HTR2C: variants seen among roughly 807,000 people sequenced by gnomAD.
HTR2C encodes 5-hydroxytryptamine (serotonin) receptor 2C, G protein-coupled.
In HTR2C, 5 loss-of-function variants were observed where a neutral mutation model predicts 21.0. The observed-to-expected ratio is 0.24, with a 90% CI of 0.12 to 0.50. The LOEUF (loss-of-function observed/expected upper bound fraction) is 0.50, where lower values mean the gene tolerates loss of function less well. Among genes scored for constraint, HTR2C ranks in the 20% least tolerant of loss-of-function variants. The probability of loss-of-function intolerance (pLI) is 0.98; values close to 1 mark genes in which losing one functional copy is unlikely to be tolerated. For synonymous variants in HTR2C, 150 were observed against 145.3 expected (o/e 1.03, Z -0.23); for missense variants, 271 against 371.2 (o/e 0.73, Z 2.22).
intron 4 of HTR2C, among the ~76,000 whole-genome samples, chrX:114,749,025 C>A (rs1556427045): frequency 9.0e-6 from 1 of 111,046 alleles, no homozygotes; most frequent in Non-Finnish European, 1.9e-5. Flanking sequence ...ACTCTCAAAA[C>A]TCAAAATAAG....
At chrX:114,838,404 T>G (rs1449195282) in intron 4 of HTR2C, among the ~76,000 whole-genome samples, 2 of 112,238 alleles carry the variant, frequency 1.8e-5, no homozygotes, top group Non-Finnish European at 3.8e-5. Context: ...CCCATACATC[T>G]TAATTAAATT....
intron 5 of HTR2C, among the ~76,000 whole-genome samples, chrX:114,903,940 C>T (rs1021891805): frequency 8.9e-6 from 1 of 111,839 alleles, no homozygotes; most frequent in Non-Finnish European, 1.9e-5. Flanking sequence ...CTCCTGCATC[C>T]TTTATTGCTT....
intron 2 of HTR2C, among the ~76,000 whole-genome samples, chrX:114,673,051 A>G (rs1279137814): frequency 2.7e-5 from 3 of 111,618 alleles, no homozygotes; most frequent in South Asian, 3.7e-4. Context: ...TAATCAGCCA[A>G]TTTTTTTCAG....
At chrX:114,675,890 A>G (rs1556412512) in intron 2 of HTR2C, among the ~76,000 whole-genome samples, 1 of 90,044 alleles carries the variant, frequency 1.1e-5, no homozygotes. Context: ...TTTTTTTGAG[A>G]CGAAATCTTG....
intron 1 of HTR2C, among the ~76,000 whole-genome samples, chrX:114,605,672 G>C (rs890646994): frequency 9.0e-6 from 1 of 111,319 alleles, no homozygotes; most frequent in South Asian, 3.8e-4. Flanking sequence ...CATTGCAGAA[G>C]AAAATAAGGC....
At chrX:114,601,781 C>T (rs868906214) in intron 1 of HTR2C, among the ~76,000 whole-genome samples, 3 of 102,436 alleles carry the variant, frequency 2.9e-5, no homozygotes, top group Non-Finnish European at 4.0e-5. Context: ...AGTGTTGGGG[C>T]GGCGAAAATT....
At chrX:114,627,014 T>G (rs181970240) in intron 2 of HTR2C, among the ~76,000 whole-genome samples, 173 of 112,148 alleles carry the variant, frequency 1.5e-3, no homozygotes, top group African/African-American at 5.4e-3. Context: ...CGTTCTAAAT[T>G]TATTTTTTGG....
rs1177259293 is a variant in HTR2C at position 114,805,695 on chromosome X, CACCATATATAT to C, written c.350-42286_350-42276del. Among the ~76,000 whole-genome samples the C allele has an allele frequency of 1.1e-3, 7 of 6,399 alleles. 1 individual carries two copies. The highest frequency in any genetic ancestry group is 1.1e-3 in the African/African-American group (3 of 2,814). 5.6% of individuals were successfully genotyped at this position (6,399 alleles called of 115,157 possible). ...ACACCATATATATACCATATATATACACCATATATATACCATATATATACCATATATACACC... is the reference window on the plus strand; with the variant it reads ...ACACCATATATATACCATATATATACACCATATATATACCATATATACACC... On this transcript the variant is annotated intron_variant, in intron 4 of 5. Coordinates refer to ENST00000276198, the MANE Select transcript of HTR2C (RefSeq NM_000868.4).
At chrX:114,845,781 G>A (rs1477351673) in intron 4 of HTR2C, among the ~76,000 whole-genome samples, 1 of 109,262 alleles carries the variant, frequency 9.2e-6, no homozygotes, top group Non-Finnish European at 1.9e-5. Context: ...AGGCCAAGGT[G>A]GGAGGATTAC....
intron 4 of HTR2C, among the ~76,000 whole-genome samples, chrX:114,768,879 T>C (rs1378355892): frequency 1.1e-4 from 12 of 111,404 alleles, no homozygotes; most frequent in African/African-American, 3.9e-4. Flanking sequence ...TTAATTCTGG[T>C]GTAAACTATT....
chrX:114,824,307 TA>T (rs1382045867), intron 4 of HTR2C, among the ~76,000 whole-genome samples: 5 of 111,862 alleles, frequency 4.5e-5, no homozygotes, highest in Non-Finnish European at 7.5e-5. Context: ...AGGGCAGGAT[TA>T]AAAGTAATGC....
chrX:114,905,154 G>T (rs1479746470), intron 5 of HTR2C, among the ~76,000 whole-genome samples: 2 of 110,810 alleles, frequency 1.8e-5, no homozygotes, highest in Non-Finnish European at 3.8e-5. Flanking sequence ...TGAATGGTGT[G>T]CCTAGGTTCA....
chrX:114,812,325 C>G (rs1387327744), intron 4 of HTR2C, among the ~76,000 whole-genome samples: 1 of 111,655 alleles, frequency 9.0e-6, no homozygotes, highest in Non-Finnish European at 1.9e-5. Flanking sequence ...TCCCCACCCT[C>G]TACATGGGTT....
chrX:114,805,794 A>C lies in HTR2C; in HGVS notation c.350-42209A>C, dbSNP rs369447859. ...TCTATACCATGTATATACACCATAT[A>C]TATACCATGTATATACACCATATAT... On this transcript the variant is annotated intron_variant, in intron 4 of 5. Transcript: ENST00000276198. Among the ~76,000 whole-genome samples, 12 of 102,360 alleles carry C rather than the reference A, an allele frequency of 1.2e-4. 1 individual carries two copies. The highest frequency in any genetic ancestry group is 4.2e-4 in the African/African-American group (12 of 28,263). The allele number at this position is 102,360 out of a possible 115,157, so 88.9% of individuals were successfully genotyped here.
At chrX:114,736,107 T>C (rs2069588243) in intron 4 of HTR2C, among the ~76,000 whole-genome samples, 1 of 107,979 alleles carries the variant, frequency 9.3e-6, no homozygotes, top group Non-Finnish European at 1.9e-5. Flanking sequence ...AGCGAGACTC[T>C]ATTTCAAAAA....
chrX:114,654,077 A>T (rs782583982), intron 2 of HTR2C, among the ~76,000 whole-genome samples: 1 of 110,275 alleles, frequency 9.1e-6, no homozygotes, highest in East Asian at 2.9e-4. Flanking sequence ...ATCTGAAGAC[A>T]GTAAAATGGA....
At chrX:114,773,729 G>T (rs926145836) in intron 4 of HTR2C, among the ~76,000 whole-genome samples, 2 of 112,416 alleles carry the variant, frequency 1.8e-5, no homozygotes, top group African/African-American at 6.5e-5. Flanking sequence ...TCAGGAACTA[G>T]AATTAAACAA....
At chrX:114,898,237 C>A (rs1268371021) in intron 5 of HTR2C, among the ~76,000 whole-genome samples, 1 of 112,489 alleles carries the variant, frequency 8.9e-6, no homozygotes, top group Non-Finnish European at 1.9e-5. Context: ...GTCCTTTGCC[C>A]ACTTTTTAAT....
At position 114,765,174 on chromosome X, in the gene HTR2C, G is replaced by A. The variant is rs190805528; in HGVS notation, c.349+33567G>A. Among the ~76,000 whole-genome samples, 9 of 109,056 alleles carry A rather than the reference G, an allele frequency of 8.3e-5. No homozygotes were observed. The South Asian group carries it at 1.2e-3, about 14-fold the overall frequency. The allele number at this position is 109,056 out of a possible 115,157, so 94.7% of individuals were successfully genotyped here. ...ATACAATCATGAGCCACCATGCCCAGCCTTGGAAACTTTCAGTGATTTTTA... is the reference window on the plus strand; with the variant it reads ...ATACAATCATGAGCCACCATGCCCAACCTTGGAAACTTTCAGTGATTTTTA... On this transcript the variant is annotated intron_variant, in intron 4 of 5. Transcript: ENST00000276198.
Sources: allele counts gnomAD v4.1 joint callset (sites outside exome capture counted in the v4.1 genomes callset), GRCh38; gene constraint gnomAD v4.1.1; transcripts MANE v1.5; gene names NCBI Gene and HGNC (gene_info 2026-07-23, HGNC 2026-07-21).